Variants in ROBO1 observed in about 807,000 individuals in gnomAD.
The protein encoded by ROBO1 is roundabout homolog 1.
Under a neutral mutation model 195.9 loss-of-function variants are expected in ROBO1, and 149 were observed. The observed-to-expected ratio is 0.76, with a 90% confidence interval of 0.67 to 0.87. The LOEUF (loss-of-function observed/expected upper bound fraction) is 0.87. Among genes scored for constraint, ROBO1 ranks in the 40% least tolerant of loss-of-function variants. ROBO1 has a pLI of 0.00. For synonymous variants in ROBO1, 816 were observed against 733.2 expected, an observed-to-expected ratio of 1.11 and a Z score of -1.82; for missense variants, 1,933 against 2,068.3, an observed-to-expected ratio of 0.93 and a Z score of 1.27.
At chr3:78,972,253 T>C (rs2076785781) in intron 3 of ROBO1, among the ~76,000 whole-genome samples, 1 of 152,190 alleles carries the variant, frequency 6.6e-6, no homozygotes. Flanking sequence ...TTCCAAGAAG[T>C]GTCAAAGGCA....
At chr3:79,400,716 G>A (rs894454063) in intron 2 of ROBO1, among the ~76,000 whole-genome samples, 1 of 151,904 alleles carries the variant, frequency 6.6e-6, no homozygotes, top group African/African-American at 2.4e-5. Flanking sequence ...ATTATATTAG[G>A]AGGAGATATA....
intron 3 of ROBO1, among the ~76,000 whole-genome samples, chr3:79,096,383 G>T (rs993636678): frequency 1.3e-5 from 2 of 151,836 alleles, no homozygotes; most frequent in Admixed American, 1.3e-4. Context: ...GAGATGACAA[G>T]AAATTTATAT....
intron 2 of ROBO1, among the ~76,000 whole-genome samples, chr3:79,467,709 A>C (rs187061488): frequency 6.6e-6 from 1 of 152,180 alleles, no homozygotes; most frequent in East Asian, 2.0e-4. Context: ...GTGTGACCTG[A>C]TTCTTCCTGG....
At chr3:79,147,473 G>T (rs2080677229) in intron 2 of ROBO1, among the ~76,000 whole-genome samples, 1 of 151,948 alleles carries the variant, frequency 6.6e-6, no homozygotes, top group Admixed American at 6.6e-5. Flanking sequence ...CCGAGGCAAT[G>T]ATATTCCTTA....
chr3:79,374,404 A>ACT (rs1433998778), intron 2 of ROBO1, among the ~76,000 whole-genome samples: 1 of 152,064 alleles, frequency 6.6e-6, no homozygotes, highest in East Asian at 1.9e-4. Context: ...ACAGACTCTA[A>ACT]CTCTCTCTTC....
At chr3:79,727,926 C>T (rs1434352749) in intron 1 of ROBO1, among the ~76,000 whole-genome samples, 8 of 152,040 alleles carry the variant, frequency 5.3e-5, no homozygotes. Context: ...CCAAAGGTCC[C>T]ATGTATAGCA....
chr3:78,636,935 T>TTTTATATATA (rs1553688373), intron 22 of ROBO1, among the ~76,000 whole-genome samples: 4 of 96,704 alleles, frequency 4.1e-5, no homozygotes, highest in Non-Finnish European at 6.2e-5. Flanking sequence ...TACATTCATT[T>TTTTATATATA]TATATATATA....
intron 2 of ROBO1, among the ~76,000 whole-genome samples, chr3:79,235,328 A>C (rs1044978074): frequency 6.6e-6 from 1 of 152,168 alleles, no homozygotes; most frequent in African/African-American, 2.4e-5. Flanking sequence ...GTGATATTGG[A>C]GAACAGGTAG....
At chr3:79,647,814 G>A (rs889382210) in intron 1 of ROBO1, among the ~76,000 whole-genome samples, 26 of 151,928 alleles carry the variant, frequency 1.7e-4, no homozygotes, top group African/African-American at 6.0e-4. Context: ...GTGTTATTTT[G>A]CTATAATGTT....
At chr3:78,975,418 A>T (rs1027325405) in intron 3 of ROBO1, among the ~76,000 whole-genome samples, 4 of 152,168 alleles carry the variant, frequency 2.6e-5, no homozygotes, top group Non-Finnish European at 5.9e-5. Flanking sequence ...TGCCTTCCTG[A>T]GAATATTGAG....
rs757611634 is a variant in ROBO1 at position 78,636,156 on chromosome 3, T to G, written c.3038-48A>C. The G allele has an allele frequency of 1.8e-5, 25 of 1,362,068 alleles. No individual in the cohort carries two copies. The South Asian group carries it at 2.3e-4, about 12-fold the overall frequency. 84.4% of individuals were successfully genotyped at this position (1,362,068 alleles called of 1,614,324 possible). On this transcript the variant is annotated intron_variant, in intron 22 of 30. Transcript: ENST00000464233. The stretch of plus-strand genomic sequence containing the variant: ...GGAAAAAATCATTCTGCGTGGTTAT[T>G]CCTTTTAAATTTCTTTTTACGTAGC...
intron 4 of ROBO1, among the ~76,000 whole-genome samples, chr3:78,917,919 A>T (rs1407907116): frequency 1.3e-5 from 2 of 152,132 alleles, no homozygotes; most frequent in African/African-American, 4.8e-5. Flanking sequence ...ACACTTTCCT[A>T]TGTGAATTCA....
intron 1 of ROBO1, among the ~76,000 whole-genome samples, chr3:79,619,948 G>T (rs1051529211): frequency 6.6e-6 from 1 of 152,120 alleles, no homozygotes; most frequent in Non-Finnish European, 1.5e-5. Context: ...CATCCAAGTG[G>T]CAACATATTT....
intron 26 of ROBO1, among the ~76,000 whole-genome samples, chr3:78,622,002 T>C (rs1416594136): frequency 6.6e-6 from 1 of 152,200 alleles, no homozygotes; most frequent in Non-Finnish European, 1.5e-5. Flanking sequence ...TGTTCATGTA[T>C]TCCATATATG....
At chr3:79,332,353 T>C (rs944183325) in intron 2 of ROBO1, among the ~76,000 whole-genome samples, 4 of 152,174 alleles carry the variant, frequency 2.6e-5, no homozygotes, top group East Asian at 1.9e-4. Flanking sequence ...ATCTGAAAAC[T>C]GAGCACACCA....
At chr3:78,890,902 C>G (rs2036850522) in intron 4 of ROBO1, among the ~76,000 whole-genome samples, 1 of 152,180 alleles carries the variant, frequency 6.6e-6, no homozygotes, top group Non-Finnish European at 1.5e-5. Flanking sequence ...GCTAAGATTA[C>G]AGGTGTGTAC....
chr3:79,056,833 A>G (rs889445413), intron 3 of ROBO1, among the ~76,000 whole-genome samples: 2 of 152,044 alleles, frequency 1.3e-5, no homozygotes, highest in African/African-American at 4.8e-5. Flanking sequence ...GATTTAGTAG[A>G]GTGGTGTTTT....
At chr3:79,155,169 G>A (rs1248758529) in intron 2 of ROBO1, among the ~76,000 whole-genome samples, 1 of 151,210 alleles carries the variant, frequency 6.6e-6, no homozygotes, top group African/African-American at 2.4e-5. Flanking sequence ...CAATGAATAA[G>A]GCAGATTTGA....
At position 78,598,873 on chromosome 3, in the gene ROBO1, A is replaced by ATGAT. The variant is rs1559626885; in HGVS notation, c.*36_*39dup. 1 of 1,460,958 alleles carries ATGAT rather than the reference A, an allele frequency of 6.8e-7. No individual in the cohort carries two copies. Among genetic ancestry groups the ATGAT allele is most frequent in the East Asian group, 2.3e-5 (1 of 43,440 alleles). The allele number at this position is 1,460,958 out of a possible 1,614,324, so 90.5% of individuals were successfully genotyped here. A position where few individuals can be genotyped will look rare whatever the true frequency, so the allele number is the denominator to read the frequency against. On this transcript the variant is annotated 3_prime_UTR_variant, in exon 31 of 31. Coordinates refer to ENST00000464233, the MANE Select transcript of ROBO1 (RefSeq NM_002941.4). ...CATCTGACAGGAGGCATCTTGAGTG[A>ATGAT]TGATTTTCACATTAGATCTCATAAG... is the stretch of plus-strand genomic sequence containing the variant.
Sources: allele counts gnomAD v4.1 joint callset (sites outside exome capture counted in the v4.1 genomes callset), GRCh38; gene constraint gnomAD v4.1.1; transcripts MANE v1.5; gene names NCBI Gene and HGNC (gene_info 2026-07-23, HGNC 2026-07-21).